The following SUMF1 variants were observed in gnomAD, a reference collection of about 807,000 sequenced individuals.
The protein encoded by SUMF1 is formylglycine-generating enzyme.
SUMF1 carries 48 observed loss-of-function variants against 47.6 expected under a neutral mutation model. The ratio of observed to expected loss-of-function variants is 1.01; its 90% CI spans 0.80 to 1.28. The LOEUF is 1.28. Ranked by LOEUF, SUMF1 falls within the 50% of genes most tolerant of loss-of-function variation. The pLI is 0.00. For missense variants in SUMF1, 571 were observed against 485.4 expected, an observed-to-expected ratio of 1.18 and a Z score of -1.66; for synonymous variants, 230 against 192.1, an observed-to-expected ratio of 1.20 and a Z score of -1.63.
intron 8 of SUMF1, among the ~76,000 whole-genome samples, chr3:4,267,951 G>C (rs1212608576): frequency 6.6e-6 from 1 of 150,400 alleles, no homozygotes; most frequent in Non-Finnish European, 1.5e-5. Context: ...GTTTATTGTG[G>C]CACTATTCAC....
At chr3:4,220,611 G>A (rs944367703) in intron 8 of SUMF1, among the ~76,000 whole-genome samples, 1 of 151,836 alleles carries the variant, frequency 6.6e-6, no homozygotes, top group East Asian at 1.9e-4. Flanking sequence ...CTTGGATGAT[G>A]TTTTAGGTTT....
intron 8 of SUMF1, among the ~76,000 whole-genome samples, chr3:4,078,197 C>A (rs897200127): frequency 6.6e-6 from 1 of 152,068 alleles, no homozygotes; most frequent in Admixed American, 6.5e-5. Flanking sequence ...TCTGAGCAGG[C>A]ATACAAGCTG....
chr3:4,127,355 G>T (rs1030371102), intron 8 of SUMF1, among the ~76,000 whole-genome samples: 3 of 152,166 alleles, frequency 2.0e-5, no homozygotes, highest in African/African-American at 7.2e-5. Context: ...GATCCTGGGT[G>T]TGTCTGTGAG....
chr3:4,457,871 C>CA lies in SUMF1; in HGVS notation c.271-4823dup, dbSNP rs2079705237. ...GACTTGACCCCAAAAGCACAGGCAACAAAAGCAAAAATAAACAAATAGGAT... is the reference window on the plus strand; with the variant it reads ...GACTTGACCCCAAAAGCACAGGCAACAAAAAGCAAAAATAAACAAATAGGAT... On this transcript the variant is annotated intron_variant, in intron 1 of 8. Transcript: ENST00000272902. Among the ~76,000 whole-genome samples the CA allele has an allele frequency of 2.6e-5, 4 of 152,026 alleles. No individual in the cohort carries two copies. In the South Asian group the frequency reaches 8.3e-4, roughly 32 times the overall value.
intron 8 of SUMF1, among the ~76,000 whole-genome samples, chr3:4,148,699 T>G (rs1050956403): frequency 1.3e-5 from 2 of 152,110 alleles, no homozygotes; most frequent in African/African-American, 4.8e-5. Context: ...TCCAGTGAAA[T>G]TTTCTTTACA....
intron 8 of SUMF1, among the ~76,000 whole-genome samples, chr3:4,123,164 C>T (rs1282285423): frequency 2.0e-5 from 3 of 152,010 alleles, no homozygotes; most frequent in East Asian, 1.9e-4. Flanking sequence ...CTTGTATAGA[C>T]GTGATTAGAG....
intron 8 of SUMF1, among the ~76,000 whole-genome samples, chr3:4,192,415 T>C (rs939470464): frequency 6.6e-6 from 1 of 152,044 alleles, no homozygotes; most frequent in Admixed American, 6.6e-5. Context: ...CATATGACAA[T>C]GGTTAATAGT....
chr3:4,079,485 G>C (rs1188798722), intron 8 of SUMF1, among the ~76,000 whole-genome samples: 5 of 151,898 alleles, frequency 3.3e-5, no homozygotes, highest in Non-Finnish European at 7.4e-5. Context: ...TAGCAGTACA[G>C]TGTAGCTCTT....
At chr3:4,366,537 T>G (rs6442882) in intron 8 of SUMF1, among the ~76,000 whole-genome samples, 88,252 of 145,510 alleles carry the variant, frequency 0.61, 27,448 homozygotes, top group East Asian at 0.75. Context: ...ATTCTTCACG[T>G]AGTTCTCGAG....
chr3:4,336,129 G>C (rs1699148896), intron 8 of SUMF1, among the ~76,000 whole-genome samples: 1 of 152,212 alleles, frequency 6.6e-6, no homozygotes, highest in Non-Finnish European at 1.5e-5. Flanking sequence ...GGTTGATTTG[G>C]CCAAGGTTGA....
At position 4,166,184 on chromosome 3, in the gene SUMF1, A is replaced by C. The variant is rs368859677; in HGVS notation, c.1015-97439T>G. Among the ~76,000 whole-genome samples, 12 of 152,250 alleles carry C rather than the reference A, an allele frequency of 7.9e-5. 2 individuals are homozygous for C. Among genetic ancestry groups the C allele is most frequent in the Admixed American group, 6.5e-5 (1 of 15,294 alleles). On this transcript the variant is annotated intron_variant and NMD_transcript_variant, in intron 8 of 12. Transcript: ENST00000448413. Reference sequence around the variant, plus strand: ...TAGTGACCCTTACTGATGAATTCTCAAAACCTGTTAGAGTCCTAAGCATTT... The same window carrying C: ...TAGTGACCCTTACTGATGAATTCTCCAAACCTGTTAGAGTCCTAAGCATTT...
At chr3:4,159,189 G>A (rs536403197) in intron 8 of SUMF1, among the ~76,000 whole-genome samples, 98 of 150,228 alleles carry the variant, frequency 6.5e-4, no homozygotes, top group East Asian at 1.4e-3. Context: ...GTTGTTATCC[G>A]TTTGCTGGTT....
In SUMF1 at chr3:4,271,506, GATAGATAGATAGA is replaced by G. The variant is rs768402556; in HGVS notation, c.1014+104811_1014+104823del. Among the ~76,000 whole-genome samples, 22 of 150,800 alleles carry G rather than the reference GATAGATAGATAGA, an allele frequency of 1.5e-4. 1 individual carries two copies. Among genetic ancestry groups the G allele is most frequent in the Admixed American group, 2.6e-4 (4 of 15,138 alleles). Reference sequence around the variant, plus strand: ...AGATAGATAGATAGATAGATAGATAGATAGATAGATAGATACAGAGAGGATCTCAACATTGCCC... The same window carrying G: ...AGATAGATAGATAGATAGATAGATAGTACAGAGAGGATCTCAACATTGCCC... On this transcript the variant is annotated intron_variant and NMD_transcript_variant, in intron 8 of 12. Coordinates refer to the SUMF1 transcript ENST00000448413.
At chr3:4,175,859 T>C (rs540988215) in intron 8 of SUMF1, among the ~76,000 whole-genome samples, 6 of 152,210 alleles carry the variant, frequency 3.9e-5, no homozygotes, top group South Asian at 2.1e-4. Context: ...CTGGTGGAGC[T>C]GAAAACCATG....
At chr3:4,343,414 T>A (rs920003817) in intron 8 of SUMF1, among the ~76,000 whole-genome samples, 1 of 152,238 alleles carries the variant, frequency 6.6e-6, no homozygotes, top group Admixed American at 6.5e-5. Flanking sequence ...AAACAATTTA[T>A]TCCTGAAGAC....
intron 8 of SUMF1, among the ~76,000 whole-genome samples, chr3:4,250,242 G>A (rs1430965152): frequency 6.7e-6 from 1 of 148,692 alleles, no homozygotes; most frequent in Non-Finnish European, 1.5e-5. Flanking sequence ...GAGAGGGTGA[G>A]GGAGAGGGAA....
intron 8 of SUMF1, among the ~76,000 whole-genome samples, chr3:4,270,914 C>A (rs557947146): frequency 6.6e-6 from 1 of 152,298 alleles, no homozygotes; most frequent in East Asian, 1.9e-4. Context: ...GAAACCAAAT[C>A]ATGTAAAACG....
At chr3:4,210,646 T>C (rs1695759778) in intron 8 of SUMF1, among the ~76,000 whole-genome samples, 1 of 152,132 alleles carries the variant, frequency 6.6e-6, no homozygotes, top group African/African-American at 2.4e-5. Flanking sequence ...CAGGGGTATA[T>C]GTGCATGTTT....
chr3:4,384,029 G>A (rs947095045), intron 7 of SUMF1, among the ~76,000 whole-genome samples: 2 of 142,788 alleles, frequency 1.4e-5, no homozygotes, highest in Non-Finnish European at 3.2e-5. Flanking sequence ...ACAATCTTAC[G>A]TTTTTAAAAG....
Sources: gnomAD v4.1 joint callset for allele counts (sites outside exome capture counted in the v4.1 genomes callset) on GRCh38, gnomAD v4.1.1 for gene constraint, MANE v1.5 for transcripts, NCBI Gene and HGNC (gene_info 2026-07-23, HGNC 2026-07-21) for gene names.